Variants in STAG1 observed in about 807,000 individuals in gnomAD.
The protein encoded by STAG1 is cohesin subunit SA-1.
STAG1 carries 26 observed loss-of-function variants against 170.9 expected under a neutral mutation model. The ratio of observed to expected loss-of-function variants is 0.15; its 90% CI spans 0.11 to 0.21. The LOEUF (loss-of-function observed/expected upper bound fraction) is 0.21. STAG1 is among the 10% of genes least tolerant of loss of function. STAG1 has a pLI of 1.00. For missense variants in STAG1, 964 were observed against 1,509.5 expected, an observed-to-expected ratio of 0.64 and a Z score of 5.99; for synonymous variants, 514 against 497.7, an observed-to-expected ratio of 1.03 and a Z score of -0.44.
chr3:136,604,599 C>A, intron 3 of STAG1, 126 bp from the exon 4 acceptor site: 1 of 816,298 alleles, frequency 1.2e-6, no homozygotes, highest in Non-Finnish European at 1.8e-6. Flanking sequence ...CTCAGTAATT[C>A]AAAAAAGTGC....
At chr3:136,359,751 C>T (rs921780650) in intron 26 of STAG1, among the ~76,000 whole-genome samples, 2 of 152,186 alleles carry the variant, frequency 1.3e-5, no homozygotes, top group African/African-American at 4.8e-5. Flanking sequence ...TCAAGTGATC[C>T]GCCTGCCCTG....
At chr3:136,416,911 T>C (rs1348428646) in intron 21 of STAG1, among the ~76,000 whole-genome samples, 1 of 149,986 alleles carries the variant, frequency 6.7e-6, no homozygotes, top group Non-Finnish European at 1.5e-5. Context: ...AGTGGCACCA[T>C]CTTGGCTCAC....
At chr3:136,613,118 T>C (rs969640745) in intron 3 of STAG1, among the ~76,000 whole-genome samples, 5 of 151,620 alleles carry the variant, frequency 3.3e-5, no homozygotes, top group African/African-American at 9.7e-5. Flanking sequence ...CTGGCTAACA[T>C]GGTGAAACTC....
intron 1 of STAG1, among the ~76,000 whole-genome samples, chr3:136,638,626 G>T (rs1940674328): frequency 1.3e-5 from 2 of 152,094 alleles, no homozygotes; most frequent in Admixed American, 6.6e-5. Flanking sequence ...ATCATGGCTG[G>T]GTGCGGTAGC....
chr3:136,365,085 T>C (rs1937025503), intron 25 of STAG1, among the ~76,000 whole-genome samples: 1 of 152,172 alleles, frequency 6.6e-6, no homozygotes, highest in Non-Finnish European at 1.5e-5. Context: ...ACAAAAAGGT[T>C]AGAGCCTATA....
In STAG1 at chr3:136,528,496, C is replaced by CT. The variant is rs1553740662; in HGVS notation, c.472-7080_472-7079insA. On this transcript the variant is annotated intron_variant, in intron 6 of 33. Coordinates refer to ENST00000383202, the MANE Select transcript of STAG1 (RefSeq NM_005862.3). ...TCCCCAGCAACAGATGTCCCCGCAC[C>CT]CCCCCCCCCAAAAAATCACTAAGTC... Among the ~76,000 whole-genome samples the CT allele has an allele frequency of 3.6e-4, 20 of 55,410 alleles. 1 individual carries two copies. The highest frequency in any genetic ancestry group is 9.5e-4 in the South Asian group (1 of 1,058). 36.4% of individuals were successfully genotyped at this position (55,410 alleles called of 152,430 possible). A position where few individuals can be genotyped will look rare whatever the true frequency, so the allele number is the denominator to read the frequency against.
At chr3:136,348,957 T>C (rs1250716761) in intron 29 of STAG1, 1 of 583,128 alleles carries the variant, frequency 1.7e-6, no homozygotes, top group Non-Finnish European at 3.0e-6. Flanking sequence ...TTGTGCTCCA[T>C]GCTTCCTCAA....
chr3:136,492,503 T>C lies in STAG1; in HGVS notation c.902+7720A>G, dbSNP rs6771436. Among the ~76,000 whole-genome samples the C allele has an allele frequency of 2.9e-3, 437 of 152,310 alleles. 3 individuals carry two copies. Among genetic ancestry groups the C allele is most frequent in the African/African-American group, 0.01 (419 of 41,568 alleles). ...TGACGGAGCCAAGATGGACAGAATT[T>C]ATGCTCTCACTTGAAAAAAGTAAAT... On this transcript the variant is annotated intron_variant, in intron 9 of 33. Coordinates refer to ENST00000383202, the MANE Select transcript of STAG1 (RefSeq NM_005862.3).
intron 1 of STAG1, among the ~76,000 whole-genome samples, chr3:136,748,357 T>C (rs1935056920): frequency 1.3e-5 from 2 of 151,870 alleles, no homozygotes; most frequent in Admixed American, 6.6e-5. Flanking sequence ...GCCTAGATCA[T>C]GCCATTGCAC....
At chr3:136,448,773 T>C (rs186702574) in intron 14 of STAG1, among the ~76,000 whole-genome samples, 1 of 152,260 alleles carries the variant, frequency 6.6e-6, no homozygotes, top group East Asian at 1.9e-4. Context: ...ACTCCATCTC[T>C]ACTAAAAATA....
At chr3:136,417,837 A>G in intron 21 of STAG1, 48 bp downstream of exon 21, 1 of 1,485,998 alleles carries the variant, frequency 6.7e-7, no homozygotes. Context: ...TGACTTCAGA[A>G]AAACAACTTT....
chr3:136,672,074 C>G (rs1046280847), intron 1 of STAG1, among the ~76,000 whole-genome samples: 1 of 152,158 alleles, frequency 6.6e-6, no homozygotes, highest in African/African-American at 2.4e-5. Context: ...AAATAAATAT[C>G]CAGAAACATT....
At chr3:136,541,212 A>G (rs1465265429) in intron 6 of STAG1, among the ~76,000 whole-genome samples, 4 of 152,148 alleles carry the variant, frequency 2.6e-5, no homozygotes, top group African/African-American at 9.7e-5. Context: ...CAGACCTAGA[A>G]AACAACCAAT....
intron 6 of STAG1, among the ~76,000 whole-genome samples, chr3:136,524,497 T>A (rs898034004): frequency 6.6e-6 from 1 of 152,218 alleles, no homozygotes; most frequent in African/African-American, 2.4e-5. Context: ...GATTTTGGGC[T>A]GAGACAATGG....
intron 4 of STAG1, among the ~76,000 whole-genome samples, chr3:136,585,209 A>G (rs764814697): frequency 6.6e-5 from 10 of 152,224 alleles, no homozygotes; most frequent in African/African-American, 9.6e-5. Flanking sequence ...TGGGAGGCCA[A>G]GATGGGCAGA....
intron 6 of STAG1, among the ~76,000 whole-genome samples, chr3:136,538,002 C>T (rs1351018251): frequency 6.6e-6 from 1 of 152,052 alleles, no homozygotes; most frequent in East Asian, 1.9e-4. Context: ...ACCCTGAAAA[C>T]TTTAAATTAT....
chr3:136,696,094 G>A (rs376441053), intron 1 of STAG1, among the ~76,000 whole-genome samples: 1 of 152,210 alleles, frequency 6.6e-6, no homozygotes, highest in African/African-American at 2.4e-5. Context: ...TATTAGGAAA[G>A]AGAAATGTTG....
chr3:136,583,155 C>T (rs1937631204), intron 4 of STAG1, among the ~76,000 whole-genome samples: 1 of 151,984 alleles, frequency 6.6e-6, no homozygotes, highest in Non-Finnish European at 1.5e-5. Flanking sequence ...TCATTTAATA[C>T]ACAATTTAAA....
At position 136,585,618 on chromosome 3, in the gene STAG1, A is replaced by AATG. The variant is rs1169609346; in HGVS notation, c.298-16758_298-16757insCAT. Among the ~76,000 whole-genome samples, 4 of 151,542 alleles carry AATG rather than the reference A, an allele frequency of 2.6e-5. No homozygotes were observed. The East Asian group carries it at 7.7e-4, about 29-fold the overall frequency. On this transcript the variant is annotated intron_variant, in intron 4 of 33. Coordinates refer to ENST00000383202, the MANE Select transcript of STAG1 (RefSeq NM_005862.3). Reference sequence around the variant, plus strand: ...AAATAATAATAATAATAATAATAATAAAAAAATAAAATTAATCAATTCCAA... The same window carrying AATG: ...AAATAATAATAATAATAATAATAATAATGAAAAAATAAAATTAATCAATTCCAA...
Sources: gnomAD v4.1 joint callset for allele counts (sites outside exome capture counted in the v4.1 genomes callset) on GRCh38, gnomAD v4.1.1 for gene constraint, MANE v1.5 for transcripts, NCBI Gene and HGNC (gene_info 2026-07-23, HGNC 2026-07-21) for gene names.